Variants in ING4 observed in about 807,000 individuals in gnomAD.
ING4 encodes the protein inhibitor of growth protein 4.
ING4 carries 28 observed loss-of-function variants against 33.1 expected under a neutral mutation model. The observed-to-expected ratio is 0.85, with a 90% CI of 0.63 to 1.16. The LOEUF is 1.16. Among genes scored for constraint, ING4 ranks in the 50% most tolerant of loss-of-function variants. ING4 has a pLI of 0.00. For missense variants in ING4, 247 were observed against 314.7 expected, an observed-to-expected ratio of 0.78 and a Z score of 1.63; for synonymous variants, 87 against 104.4, an observed-to-expected ratio of 0.83 and a Z score of 1.02.
At position 6,653,065 on chromosome 12, in the gene ING4, A is replaced by C. The variant is rs1242695346; in HGVS notation, c.277-15T>G. The stretch of plus-strand genomic sequence containing the variant: ...TGTTTGTCCACCTGGGTGGAAAGGA[A>C]GGAGAAAGGAGAGGTACAAAACTAT... On this transcript the variant is annotated splice_polypyrimidine_tract_variant and intron_variant, in intron 3 of 7. Transcript: ENST00000341550. 6.2e-7 allele frequency: 1 copy of C among 1,612,438 alleles called. No homozygotes were observed. Among genetic ancestry groups the C allele is most frequent in the Non-Finnish European group, 8.5e-7 (1 of 1,178,456 alleles).
chr12:6,655,932 T>C (rs1353861986), intron 2 of ING4: 4 of 455,188 alleles, frequency 8.8e-6, no homozygotes, highest in African/African-American at 4.0e-5. Flanking sequence ...GTGAACGGTA[T>C]AGAGATCCCA....
chr12:6,657,447 T>TCAAA (rs748962515), intron 1 of ING4, among the ~76,000 whole-genome samples: 23 of 151,730 alleles, frequency 1.5e-4, no homozygotes, highest in Admixed American at 2.6e-4. Context: ...AGACTCCATC[T>TCAAA]CAAACAAACA....
Position 6,651,213 on chromosome 12 carries a change from T to G in ING4, c.729A>C (p.Gln243His). 1.2e-6 allele frequency: 2 copies of G among 1,614,194 alleles called. No individual in the cohort carries two copies. ...RGKWFCPRCS[Q>H]ERKKK ...CCCTTATCTATTTCTTCTTCCGTTC[T>G]TGGGAGCAGCGTGGGCAAAACCTGA... The change falls in exon 8 of 8, where the codon CAA (glutamine) becomes CAC (histidine). Residue 243 changes from glutamine to histidine, a missense_variant. Transcript: ENST00000341550.
chr12:6,657,193 T>G (rs1032375348), intron 1 of ING4, among the ~76,000 whole-genome samples: 2 of 149,594 alleles, frequency 1.3e-5, no homozygotes, highest in Non-Finnish European at 3.0e-5. Flanking sequence ...CTCACACCTG[T>G]AATCCCAGCA....
intron 2 of ING4, among the ~76,000 whole-genome samples, chr12:6,654,328 TTTC>T (rs1437546496): frequency 1.3e-5 from 2 of 151,074 alleles, no homozygotes; most frequent in Non-Finnish European, 2.9e-5. Flanking sequence ...TCACTCTATT[TTTC>T]TTTTTTTTTT....
chr12:6,656,504 A>C (rs1451885744), intron 2 of ING4: 1 of 450,948 alleles, frequency 2.2e-6, no homozygotes. Flanking sequence ...AGAACACAGC[A>C]TCTTTGAATT....
At chr12:6,655,535 G>A (rs891324684) in intron 2 of ING4, 1 of 950,656 alleles carries the variant, frequency 1.1e-6, no homozygotes, top group African/African-American at 1.8e-5. Context: ...CAGGCTCTTG[G>A]AAGAAGCTGA....
At chr12:6,662,932 C>T in intron 1 of ING4, 133 bp downstream of exon 1, 8 of 975,118 alleles carry the variant, frequency 8.2e-6, no homozygotes, top group Non-Finnish European at 1.2e-5. Context: ...CCGCACCCTC[C>T]AATATTTCCT....
chr12:6,651,382 A>C lies in ING4; in HGVS notation c.649T>G (p.Ser217Ala). 1 of 1,614,046 alleles carries C rather than the reference A, an allele frequency of 6.2e-7. No homozygotes were observed. The change falls in exon 7 of 8, where the codon TCC becomes GCC. Residue 217 changes from serine (S) to alanine (A), a missense_variant. Transcript: ENST00000341550. ...CAGGCAAAATGGAACCACTCAATGGAACACTGGAAGAGGAAGAAAGAAGTA... is the reference window on the plus strand; with the variant it reads ...CAGGCAAAATGGAACCACTCAATGGCACACTGGAAGAGGAAGAAAGAAGTA... The part of the protein sequence containing the change: ...EMIGCDNPDC[S>A]IEWFHFACVG...
At chr12:6,653,731 G>C (rs1036188498) in intron 2 of ING4, among the ~76,000 whole-genome samples, 8 of 152,188 alleles carry the variant, frequency 5.3e-5, no homozygotes, top group African/African-American at 1.7e-4. Context: ...GCTGCTTCTT[G>C]AATTTTGTCT....
rs1436509241 is a variant in ING4, at chr12:6,651,035, C to T, written c.*160G>A. On this transcript the variant is annotated 3_prime_UTR_variant, in exon 8 of 8. Coordinates refer to ENST00000341550, the MANE Select transcript of ING4 (RefSeq NM_016162.4). ...CACCCCTCCCTACCAGGGTCTGATG[C>T]AGCCTCAGCACCGGGAGTGGGGAGA... 8 of 778,966 alleles carry T rather than the reference C, an allele frequency of 1.0e-5. No individual in the cohort carries two copies. The African/African-American group carries it at 1.4e-4, about 13-fold the overall frequency. The allele number at this position is 778,966 out of a possible 1,614,324, so 48.3% of individuals were successfully genotyped here.
chr12:6,660,888 G>C (rs554902596), intron 1 of ING4, among the ~76,000 whole-genome samples: 2 of 150,556 alleles, frequency 1.3e-5, no homozygotes, highest in Non-Finnish European at 3.0e-5. Flanking sequence ...GCAATCTCAG[G>C]TTCAAGGAAT....
chr12:6,660,920 G>A (rs574988944), intron 1 of ING4, among the ~76,000 whole-genome samples: 1 of 151,996 alleles, frequency 6.6e-6, no homozygotes, highest in Admixed American at 6.6e-5. Context: ...AGCCTCCCAA[G>A]TAGCTGGGAT....
chr12:6,657,371 C>T (rs1194208833), intron 1 of ING4, among the ~76,000 whole-genome samples: 3 of 151,456 alleles, frequency 2.0e-5, no homozygotes, highest in African/African-American at 7.3e-5. Flanking sequence ...ATGGCATGAA[C>T]CTGGGAGGCG....
At chr12:6,655,417 A>C (rs1949323832) in intron 2 of ING4, among the ~76,000 whole-genome samples, 1 of 152,248 alleles carries the variant, frequency 6.6e-6, no homozygotes, top group South Asian at 2.1e-4. Flanking sequence ...AATATTTGGA[A>C]GGGCTCATAA....
At position 6,651,120 on chromosome 12, in the gene ING4, G is replaced by A; in HGVS notation, c.*75C>T. ...ACTCCTCCCTGAACCCCTGGCCCCAGCACAGGCATTCCTCTGCCCACTAGC... is the reference window on the plus strand; with the variant it reads ...ACTCCTCCCTGAACCCCTGGCCCCAACACAGGCATTCCTCTGCCCACTAGC... On this transcript the variant is annotated 3_prime_UTR_variant, in exon 8 of 8. Coordinates refer to ENST00000341550, the MANE Select transcript of ING4 (RefSeq NM_016162.4). The A allele has an allele frequency of 6.5e-7, 1 of 1,529,562 alleles. No homozygotes were observed. Among genetic ancestry groups the A allele is most frequent in the Non-Finnish European group, 9.1e-7 (1 of 1,104,650 alleles). 94.7% of individuals were successfully genotyped at this position (1,529,562 alleles called of 1,614,324 possible). A position where few individuals can be genotyped will look rare whatever the true frequency, so the allele number is the denominator to read the frequency against.
Position 6,653,960 on chromosome 12 carries a change from T to C in ING4, c.110-564A>G, listed in dbSNP as rs147464807. Among the ~76,000 whole-genome samples, 391 of 152,212 alleles carry C rather than the reference T, an allele frequency of 2.6e-3. 7 individuals are homozygous for C. The highest frequency in any genetic ancestry group is 1.5e-3 in the Non-Finnish European group (105 of 68,016). On this transcript the variant is annotated intron_variant, in intron 2 of 7. Transcript: ENST00000341550. ...TCACTGCAGCCTCAACTTCCTGAGC[T>C]CTGGTGATCCTCCCATCTCAGGCAC...
chr12:6,662,352 T>A (rs1949582607), intron 1 of ING4, among the ~76,000 whole-genome samples: 2 of 152,166 alleles, frequency 1.3e-5, no homozygotes, highest in Non-Finnish European at 2.9e-5. Flanking sequence ...ATTTGCAGAA[T>A]CTGTTTCCTA....
intron 1 of ING4, among the ~76,000 whole-genome samples, chr12:6,662,160 C>G (rs928170898): frequency 2.6e-5 from 4 of 152,184 alleles, no homozygotes; most frequent in African/African-American, 9.7e-5. Flanking sequence ...TTTCCCCAAC[C>G]TGGAATTCCT....
Sources: gnomAD v4.1 joint callset for allele counts (sites outside exome capture counted in the v4.1 genomes callset) on GRCh38, gnomAD v4.1.1 for gene constraint, MANE v1.5 for transcripts, NCBI Gene and HGNC (gene_info 2026-07-23, HGNC 2026-07-21) for gene names.